EIF4G3: variants seen among roughly 807,000 people sequenced by gnomAD.
EIF4G3 encodes the protein eukaryotic translation initiation factor 4 gamma 3.
A neutral mutation model predicts 186.4 loss-of-function variants in EIF4G3; 34 were observed. That is an observed-to-expected ratio of 0.18 (90% CI 0.14 to 0.24). EIF4G3 has a LOEUF of 0.24. Ranked by LOEUF, EIF4G3 falls within the 10% of genes least tolerant of loss-of-function variation. EIF4G3 has a pLI of 1.00. For missense variants in EIF4G3, 1,536 were observed against 1,948.5 expected, an observed-to-expected ratio of 0.79 and a Z score of 3.99; for synonymous variants, 673 against 679.5, an observed-to-expected ratio of 0.99 and a Z score of 0.15.
intron 20 of EIF4G3, among the ~76,000 whole-genome samples, chr1:20,869,306 ATTTTTTTT>A (rs954573350): frequency 8.3e-4 from 81 of 97,400 alleles, no homozygotes; most frequent in African/African-American, 2.8e-3. Context: ...TTACTTTAAA[ATTTTTTTT>A]TTTTTTTTTT....
chr1:20,810,271 C>T lies in EIF4G3; in HGVS notation c.4744+467G>A, dbSNP rs751681596. 4.6e-5 allele frequency among the ~76,000 whole-genome samples: 7 copies of T among 152,052 alleles called. No homozygotes were observed. The highest frequency in any genetic ancestry group is 7.4e-5 in the Non-Finnish European group (5 of 68,006). On this transcript the variant is annotated intron_variant, in intron 36 of 36. Transcript: ENST00000602326. This position sits in a 1 kb window ranked among gnomAD's most constrained non-coding sequence, Gnocchi z 4.1. ...CTGGGTTCAAGCGATTCTCCTGCCT[C>T]AGCCTCCCAAGTAGCTGGGATTACA... is the stretch of plus-strand genomic sequence containing the variant.
intron 10 of EIF4G3, 121 bp from the exon 11 acceptor site, chr1:20,973,220 T>C (rs953459732): frequency 1.5e-6 from 1 of 671,032 alleles, no homozygotes; most frequent in Non-Finnish European, 2.5e-6. Context: ...ACACTAAGCA[T>C]TCTTCATCAT....
At chr1:20,827,485 C>T in intron 32 of EIF4G3, 132 bp downstream of exon 32, 1 of 403,556 alleles carries the variant, frequency 2.5e-6, no homozygotes. Flanking sequence ...CAGAAAGAAA[C>T]TGGGTTGAAG....
intron 20 of EIF4G3, among the ~76,000 whole-genome samples, chr1:20,873,689 A>G (rs909872866): frequency 3.3e-5 from 5 of 150,292 alleles, no homozygotes; most frequent in African/African-American, 1.2e-4. Context: ...CTTCCCTAAT[A>G]ATGAATAACA....
intron 10 of EIF4G3, among the ~76,000 whole-genome samples, chr1:20,979,315 T>A (rs766561288): frequency 5.3e-5 from 8 of 151,976 alleles, no homozygotes; most frequent in Non-Finnish European, 1.0e-4. Flanking sequence ...ACCCAAAACC[T>A]CCCCCATGCC....
intron 4 of EIF4G3, among the ~76,000 whole-genome samples, chr1:21,016,859 C>T (rs1275867268): frequency 2.0e-5 from 3 of 151,698 alleles, no homozygotes; most frequent in Non-Finnish European, 4.4e-5. Context: ...GTCCTAGCTA[C>T]TCGGGGGCCT....
chr1:20,958,874 C>G (rs1207478773), intron 12 of EIF4G3, among the ~76,000 whole-genome samples: 1 of 152,020 alleles, frequency 6.6e-6, no homozygotes, highest in African/African-American at 2.4e-5. Flanking sequence ...AGGAGAAATA[C>G]AAAACGCTGC....
At chr1:20,934,583 C>A (rs1267744441) in intron 14 of EIF4G3, among the ~76,000 whole-genome samples, 2 of 152,052 alleles carry the variant, frequency 1.3e-5, no homozygotes, top group African/African-American at 4.8e-5. Context: ...GTGAGTAGCA[C>A]TGGGCAGAGT....
intron 18 of EIF4G3, among the ~76,000 whole-genome samples, chr1:20,892,284 A>C (rs1572298088): frequency 6.6e-6 from 1 of 152,184 alleles, no homozygotes; most frequent in East Asian, 1.9e-4. Context: ...ATTGCTCTCT[A>C]TGCCATTCTA....
chr1:21,119,508 T>G (rs539958952), intron 2 of EIF4G3, among the ~76,000 whole-genome samples: 31 of 152,276 alleles, frequency 2.0e-4, no homozygotes, highest in African/African-American at 7.0e-4. Flanking sequence ...CTGGAAATCA[T>G]GCTGACTAGT....
intron 19 of EIF4G3, among the ~76,000 whole-genome samples, chr1:20,880,327 T>C (rs2081973924): frequency 6.6e-6 from 1 of 152,254 alleles, no homozygotes; most frequent in South Asian, 2.1e-4. Flanking sequence ...TAAGTCAGTC[T>C]AGCAATTGTA....
intron 3 of EIF4G3, among the ~76,000 whole-genome samples, chr1:21,075,570 C>CAAAAAAAAAAAAAAA (rs55649192): frequency 3.9e-5 from 2 of 51,554 alleles, no homozygotes; most frequent in South Asian, 8.4e-4. Context: ...CTCCAACTCA[C>CAAAAAAAAAAAAAAA]AAAAAAAAAA....
At chr1:21,053,719 T>C (rs1367630743) in intron 3 of EIF4G3, among the ~76,000 whole-genome samples, 1 of 139,064 alleles carries the variant, frequency 7.2e-6, no homozygotes, top group African/African-American at 2.7e-5. Flanking sequence ...GGGAAGGATG[T>C]TGGGGGGTCA....
intron 18 of EIF4G3, among the ~76,000 whole-genome samples, chr1:20,889,610 C>A (rs1254967334): frequency 6.6e-6 from 1 of 152,146 alleles, no homozygotes; most frequent in African/African-American, 2.4e-5. Flanking sequence ...CCTGCCTCAG[C>A]CTCCCGAGTA....
Position 20,875,409 on chromosome 1 carries a change from G to T in EIF4G3, c.2622+3914C>A, listed in dbSNP as rs147144611. Among the ~76,000 whole-genome samples the T allele has an allele frequency of 4.1e-3, 632 of 152,324 alleles. 7 individuals are homozygous for T. Among genetic ancestry groups the T allele is most frequent in the African/African-American group, 0.013 (560 of 41,562 alleles). ...TTCTGTAAGCATGTTGCATTGGTGT[G>T]TTGAAGCTGGTTCATATTGGTTTAT... On this transcript the variant is annotated intron_variant, in intron 20 of 36. Coordinates refer to ENST00000602326, the MANE Select transcript of EIF4G3 (RefSeq NM_001391906.1).
Position 20,920,198 on chromosome 1 carries a change from G to A in EIF4G3, c.1664-15227C>T, listed in dbSNP as rs150179113. On this transcript the variant is annotated intron_variant, in intron 14 of 36. Coordinates refer to ENST00000602326, the MANE Select transcript of EIF4G3 (RefSeq NM_001391906.1). ...TGGGATTACAGGCGTGAGTCACTGC[G>A]TCCGGTCGAGATATTTTATTGTACA... Among the ~76,000 whole-genome samples the A allele has an allele frequency of 1.3e-3, 192 of 152,258 alleles. 1 individual carries two copies. Among genetic ancestry groups the A allele is most frequent in the Non-Finnish European group, 1.7e-3 (118 of 68,016 alleles).
chr1:20,815,656 G>C (rs1468615725), intron 34 of EIF4G3, among the ~76,000 whole-genome samples: 2 of 148,206 alleles, frequency 1.3e-5, no homozygotes, highest in Admixed American at 6.7e-5. Flanking sequence ...AGGTGGGGGG[G>C]GGTCAGCCCC....
chr1:21,062,127 T>C (rs1017966810), intron 3 of EIF4G3, among the ~76,000 whole-genome samples: 4 of 151,850 alleles, frequency 2.6e-5, no homozygotes, highest in Admixed American at 6.6e-5. Context: ...AGTGCGATCA[T>C]AGCCCACTGC....
chr1:21,053,451 G>A (rs1331751623), intron 3 of EIF4G3, among the ~76,000 whole-genome samples: 45 of 146,202 alleles, frequency 3.1e-4, no homozygotes, highest in Admixed American at 4.7e-4. Flanking sequence ...CAGCCGCCCC[G>A]TCCGGGAGGT....
Sources: allele counts gnomAD v4.1 joint callset (sites outside exome capture counted in the v4.1 genomes callset), GRCh38; gene constraint gnomAD v4.1.1; non-coding constraint Gnocchi (gnomAD v3.1); transcripts MANE v1.5; gene names NCBI Gene and HGNC (gene_info 2026-07-23, HGNC 2026-07-21).